The following ZNF618 variants were observed in gnomAD, a reference collection of about 807,000 sequenced individuals.
ZNF618 encodes the protein zinc finger protein 618, also known as neural precursor cell expressed, developmentally down-regulated 10.
Under a neutral mutation model 103.0 loss-of-function variants are expected in ZNF618, and 34 were observed. The ratio of observed to expected loss-of-function variants is 0.33; its 90% CI spans 0.25 to 0.44. The LOEUF is 0.44. ZNF618 is among the 20% of genes least tolerant of loss of function. ZNF618 has a pLI of 1.00. For synonymous variants in ZNF618, 551 were observed against 542.2 expected (o/e 1.02, Z -0.23); for missense variants, 1,059 against 1,295.4 (o/e 0.82, Z 2.80).
chr9:113,908,112 G>A (rs1331574272), intron 1 of ZNF618, among the ~76,000 whole-genome samples: 1 of 150,112 alleles, frequency 6.7e-6, no homozygotes, highest in African/African-American at 2.5e-5. Flanking sequence ...AGAACTGGGA[G>A]GCTCGGGCAG....
At chr9:113,963,495 A>G (rs1205739488) in intron 1 of ZNF618, among the ~76,000 whole-genome samples, 1 of 152,166 alleles carries the variant, frequency 6.6e-6, no homozygotes, top group Admixed American at 6.5e-5. Context: ...CTTCCCTTCC[A>G]TAAGGGTGCA....
chr9:114,041,109 G>T (rs1359995549), intron 13 of ZNF618, among the ~76,000 whole-genome samples: 1 of 152,162 alleles, frequency 6.6e-6, no homozygotes, highest in Non-Finnish European at 1.5e-5. Flanking sequence ...TCATGTGTCT[G>T]TTGGTTGCAT....
At chr9:113,886,994 TTTTTTA>T (rs1233354478) in intron 1 of ZNF618, among the ~76,000 whole-genome samples, 13 of 121,334 alleles carry the variant, frequency 1.1e-4, no homozygotes. Flanking sequence ...TTTTTTTTTT[TTTTTTA>T]ACAATGTGGC....
chr9:113,896,999 T>C (rs1285511377), intron 1 of ZNF618, among the ~76,000 whole-genome samples: 2 of 152,172 alleles, frequency 1.3e-5, no homozygotes, highest in Admixed American at 1.3e-4. Context: ...ATTTACCTTG[T>C]ATAGATTTAC....
chr9:113,935,288 G>A (rs1255828587), intron 1 of ZNF618, among the ~76,000 whole-genome samples: 2 of 152,170 alleles, frequency 1.3e-5, no homozygotes, highest in Non-Finnish European at 2.9e-5. Flanking sequence ...TTACATCATG[G>A]CCAGCTGCAG....
chr9:113,897,917 C>T (rs1006907935), intron 1 of ZNF618, among the ~76,000 whole-genome samples: 7 of 152,082 alleles, frequency 4.6e-5, no homozygotes, highest in African/African-American at 1.7e-4. Context: ...ATTAGCCTCC[C>T]GAGTAGCTGG....
chr9:114,001,935 G>A (rs1402949111), intron 4 of ZNF618, 61 bp from the exon 5 acceptor site: 1 of 1,446,272 alleles, frequency 6.9e-7, no homozygotes, highest in Non-Finnish European at 9.7e-7. Flanking sequence ...TCGCCTGTGG[G>A]TCCTGGGACC....
In ZNF618 at chr9:113,889,350, T is replaced by TCTCTCTCTCTCTCCCTCCCTCCCTCC. The variant is rs1191014933; in HGVS notation, c.33+12940_33+12941insTCTCTCTCTCCCTCCCTCCCTCCCTC. 7.5e-4 allele frequency among the ~76,000 whole-genome samples: 111 copies of TCTCTCTCTCTCTCCCTCCCTCCCTCC among 148,436 alleles called. 6 individuals are homozygous for TCTCTCTCTCTCTCCCTCCCTCCCTCC. The East Asian group carries it at 0.013, about 17-fold the overall frequency. Reference sequence around the variant, plus strand: ...CTCTCTCTCTCTCTCTCTCTCTTTCTCTCCCTCCCTCTCCATGTGTGGTCT... The same window carrying TCTCTCTCTCTCTCCCTCCCTCCCTCC: ...CTCTCTCTCTCTCTCTCTCTCTTTCTCTCTCTCTCTCTCCCTCCCTCCCTCCCTCCCTCCCTCTCCATGTGTGGTCT... On this transcript the variant is annotated intron_variant, in intron 1 of 14. Transcript: ENST00000374126.
At chr9:114,026,237 G>A (rs1000259155) in intron 10 of ZNF618, among the ~76,000 whole-genome samples, 4 of 152,220 alleles carry the variant, frequency 2.6e-5, no homozygotes, top group Non-Finnish European at 5.9e-5. Context: ...GATATTGTAG[G>A]ATATGAGAAG....
At chr9:113,939,800 G>T (rs564751468) in intron 1 of ZNF618, among the ~76,000 whole-genome samples, 4 of 150,910 alleles carry the variant, frequency 2.7e-5, no homozygotes, top group African/African-American at 9.8e-5. Flanking sequence ...CTCTGATTCC[G>T]TAGTCATAGC....
Position 114,035,223 on chromosome 9 carries a change from C to T in ZNF618, c.1169-1077C>T, listed in dbSNP as rs1170464079. 5.1e-6 allele frequency: 5 copies of T among 986,052 alleles called. No individual in the cohort carries two copies. The African/African-American group carries it at 7.0e-5, about 14-fold the overall frequency. 61.1% of individuals were successfully genotyped at this position (986,052 alleles called of 1,614,324 possible). A position where few individuals can be genotyped will look rare whatever the true frequency, so the allele number is the denominator to read the frequency against. ...AAGTCCCCTGATTTCCAACCCTTTC[C>T]CTCTCCTACAGAGTAAGTGATGGTC... On this transcript the variant is annotated intron_variant, in intron 12 of 14. Coordinates refer to ENST00000374126, the MANE Select transcript of ZNF618 (RefSeq NM_001318042.2).
At position 114,049,501 on chromosome 9, in the gene ZNF618, C is replaced by T. The variant is rs747814470; in HGVS notation, c.2199C>T (p.Ser733=). The T allele has an allele frequency of 7.7e-5, 125 of 1,613,316 alleles. No individual in the cohort carries two copies. Among genetic ancestry groups the T allele is most frequent in the Non-Finnish European group, 1.0e-4 (118 of 1,179,664 alleles). Residue 733 remains serine (S), a synonymous_variant, in exon 15 of 15, where the codon AGC becomes AGT. Coordinates refer to ENST00000374126, the MANE Select transcript of ZNF618 (RefSeq NM_001318042.2). The part of the protein sequence containing the change: ...LIQSLNKHLL[S]NLAAILTPVK... ...AGAGCCTCAACAAGCACCTGCTCAGCAACCTGGCGGCCATCCTGACGCCGG... is the reference window on the plus strand; with the variant it reads ...AGAGCCTCAACAAGCACCTGCTCAGTAACCTGGCGGCCATCCTGACGCCGG...
intron 1 of ZNF618, among the ~76,000 whole-genome samples, chr9:113,950,959 G>C (rs749554018): frequency 1.3e-5 from 2 of 148,884 alleles, no homozygotes; most frequent in Non-Finnish European, 3.0e-5. Flanking sequence ...GGCTGGAGAA[G>C]AGCAGGGACT....
intron 1 of ZNF618, among the ~76,000 whole-genome samples, chr9:113,940,999 G>A (rs1834498865): frequency 6.6e-6 from 1 of 151,766 alleles, no homozygotes; most frequent in Non-Finnish European, 1.5e-5. Flanking sequence ...GCCTATCATT[G>A]AACTGCCAAA....
intron 4 of ZNF618, among the ~76,000 whole-genome samples, chr9:114,000,041 A>G (rs889642400): frequency 1.3e-5 from 2 of 152,220 alleles, no homozygotes; most frequent in African/African-American, 4.8e-5. Context: ...GAAATATGCA[A>G]TCTCATCTTT....
At chr9:113,943,310 G>C (rs1472736502) in intron 1 of ZNF618, among the ~76,000 whole-genome samples, 1 of 152,196 alleles carries the variant, frequency 6.6e-6, no homozygotes, top group Non-Finnish European at 1.5e-5. Flanking sequence ...CTTGCGGCTG[G>C]GAGAAGATTG....
At chr9:113,942,205 T>C (rs577040400) in intron 1 of ZNF618, among the ~76,000 whole-genome samples, 1 of 152,110 alleles carries the variant, frequency 6.6e-6, no homozygotes, top group African/African-American at 2.4e-5. Flanking sequence ...ATCTCCCCAC[T>C]GAAAATGATG....
chr9:113,962,391 T>C (rs1836935238), intron 1 of ZNF618, among the ~76,000 whole-genome samples: 1 of 152,214 alleles, frequency 6.6e-6, no homozygotes, highest in Non-Finnish European at 1.5e-5. Context: ...CCTGGCCTCA[T>C]GGTCTCCTTT....
At chr9:113,943,574 G>T (rs1013642826) in intron 1 of ZNF618, among the ~76,000 whole-genome samples, 1 of 151,998 alleles carries the variant, frequency 6.6e-6, no homozygotes, top group African/African-American at 2.4e-5. Context: ...ACAGGCCCCA[G>T]TGTGGCCAGA....
Sources: allele counts gnomAD v4.1 joint callset (sites outside exome capture counted in the v4.1 genomes callset), GRCh38; gene constraint gnomAD v4.1.1; transcripts MANE v1.5; gene names NCBI Gene and HGNC (gene_info 2026-07-23, HGNC 2026-07-21).